ADAMTS12: variants seen among roughly 807,000 people sequenced by gnomAD.
ADAMTS12 encodes the protein ADAM metallopeptidase with thrombospondin type 1 motif 12.
Under a neutral mutation model 167.8 loss-of-function variants are expected in ADAMTS12, and 118 were observed. The ratio of observed to expected loss-of-function variants is 0.70; its 90% CI spans 0.61 to 0.82. ADAMTS12 has a LOEUF of 0.82. Ranked by LOEUF, ADAMTS12 falls within the 40% of genes least tolerant of loss-of-function variation. ADAMTS12 has a pLI of 0.00. For missense variants in ADAMTS12, 1,916 were observed against 1,998.8 expected (o/e 0.96, Z 0.79); for synonymous variants, 704 against 716.9 (o/e 0.98, Z 0.29).
chr5:33,561,259 A>G lies in ADAMTS12; in HGVS notation c.3973-80T>C, dbSNP rs116614333. The stretch of plus-strand genomic sequence containing the variant: ...GCCCCATCACTGGGATCCTGGAGTC[A>G]GTTCTCAGTCCCGTTTGCTAACATT... On this transcript the variant is annotated intron_variant, in intron 19 of 23. Transcript: ENST00000504830. 97 of 1,543,820 alleles carry G rather than the reference A, an allele frequency of 6.3e-5. No homozygotes were observed. In the African/African-American group the frequency reaches 1.2e-3, roughly 19 times the overall value.
chr5:33,742,855 A>G (rs578065507), intron 3 of ADAMTS12, among the ~76,000 whole-genome samples: 2 of 152,336 alleles, frequency 1.3e-5, no homozygotes, highest in South Asian at 4.1e-4. Context: ...GCGAGAAAGT[A>G]TTTGCCTGGA....
At chr5:33,537,486 G>A (rs1213661037) in intron 22 of ADAMTS12, among the ~76,000 whole-genome samples, 1 of 152,210 alleles carries the variant, frequency 6.6e-6, no homozygotes, top group East Asian at 1.9e-4. Context: ...CTGAGGCTGA[G>A]GCTTGTGTCA....
chr5:33,755,212 C>G (rs1185966457), intron 2 of ADAMTS12, among the ~76,000 whole-genome samples: 2 of 152,134 alleles, frequency 1.3e-5, no homozygotes, highest in African/African-American at 4.8e-5. Flanking sequence ...TAGTTCATTT[C>G]AAGAGTTAGG....
intron 16 of ADAMTS12, among the ~76,000 whole-genome samples, chr5:33,610,873 C>A (rs1415008873): frequency 1.3e-5 from 2 of 152,032 alleles, no homozygotes; most frequent in East Asian, 3.9e-4. Context: ...TTGAGACCAG[C>A]CTGGCCAACA....
At chr5:33,773,946 G>A (rs927649635) in intron 2 of ADAMTS12, among the ~76,000 whole-genome samples, 4 of 152,142 alleles carry the variant, frequency 2.6e-5, no homozygotes, top group Non-Finnish European at 4.4e-5. Context: ...GCAAAAGTAC[G>A]TACACACACT....
chr5:33,749,888 GGT>G (rs1441134864), intron 3 of ADAMTS12, among the ~76,000 whole-genome samples: 2 of 152,170 alleles, frequency 1.3e-5, no homozygotes, highest in African/African-American at 4.8e-5. Flanking sequence ...AGGTGTTCAA[GGT>G]GGGTAGATAA....
intron 23 of ADAMTS12, among the ~76,000 whole-genome samples, chr5:33,532,162 C>T (rs889171054): frequency 2.0e-5 from 3 of 152,118 alleles, no homozygotes; most frequent in Non-Finnish European, 2.9e-5. Context: ...AGTTATATGC[C>T]TGTATCTTTG....
chr5:33,686,984 T>A lies in ADAMTS12; in HGVS notation c.635-2929A>T, dbSNP rs568442302. 4.6e-5 allele frequency among the ~76,000 whole-genome samples: 7 copies of A among 151,164 alleles called. No individual in the cohort carries two copies. In the South Asian group the frequency reaches 1.3e-3, roughly 27 times the overall value. On this transcript the variant is annotated intron_variant, in intron 3 of 23. Transcript: ENST00000504830. Reference sequence around the variant, plus strand: ...AGAGAGAGAGAGATCTTGGACTTGATCTTGGACTTCAAGTCTCTAGAATTG... The same window carrying A: ...AGAGAGAGAGAGATCTTGGACTTGAACTTGGACTTCAAGTCTCTAGAATTG...
At chr5:33,700,127 TAACA>T (rs1484235117) in intron 3 of ADAMTS12, among the ~76,000 whole-genome samples, 14 of 152,208 alleles carry the variant, frequency 9.2e-5, no homozygotes, top group Non-Finnish European at 1.9e-4. Flanking sequence ...CACTCTGTTT[TAACA>T]AACAGTTTGG....
intron 2 of ADAMTS12, among the ~76,000 whole-genome samples, chr5:33,840,527 G>A (rs1450268078): frequency 2.0e-5 from 3 of 152,168 alleles, no homozygotes; most frequent in Admixed American, 1.3e-4. Flanking sequence ...CTCAACTGTG[G>A]AGATGATAAT....
chr5:33,758,541 T>C (rs1745242748), intron 2 of ADAMTS12, among the ~76,000 whole-genome samples: 1 of 152,212 alleles, frequency 6.6e-6, no homozygotes, highest in African/African-American at 2.4e-5. Context: ...AGAGAGGATG[T>C]GGATTCGCGC....
chr5:33,636,230 C>G (rs1740186727), intron 12 of ADAMTS12, among the ~76,000 whole-genome samples: 1 of 152,162 alleles, frequency 6.6e-6, no homozygotes, highest in Admixed American at 6.6e-5. Flanking sequence ...ATCACTGGAG[C>G]AGCTATGCTA....
chr5:33,815,363 T>C (rs2197516), intron 2 of ADAMTS12, among the ~76,000 whole-genome samples: 67,740 of 151,650 alleles, frequency 0.45, 15,455 homozygotes, highest in African/African-American at 0.47. Flanking sequence ...AGTAGAACCC[T>C]TATGCTGAAT....
At position 33,576,671 on chromosome 5, in the gene ADAMTS12, G is replaced by T. The variant is rs139710230; in HGVS notation, c.3355C>A (p.Leu1119Ile). 3 of 1,614,214 alleles carry T rather than the reference G, an allele frequency of 1.9e-6. No homozygotes were observed. The Admixed American group carries it at 5.0e-5, about 27-fold the overall frequency. The change falls in exon 19 of 24, where the codon CTT becomes ATT. Residue 1119 changes from leucine (L) to isoleucine (I), a missense_variant. By Grantham distance (5) the Leu-to-Ile change is conservative. Transcript: ENST00000504830. ...GAACCACTTGTTGTTGTAGCTACAA[G>T]GCCTCCCTCCGAGGTAGGACCAGTA... ...SDTGPTSEGG[L>I]VATTTSGSGL... is the part of the protein sequence containing the mutation.
intron 23 of ADAMTS12, among the ~76,000 whole-genome samples, chr5:33,529,838 T>C (rs569874848): frequency 2.4e-4 from 36 of 152,322 alleles, no homozygotes; most frequent in Non-Finnish European, 4.0e-4. Flanking sequence ...TTCAGGCCTC[T>C]TCTTTAAGCC....
chr5:33,761,525 AGAG>A (rs1579913936), intron 2 of ADAMTS12, among the ~76,000 whole-genome samples: 1 of 152,222 alleles, frequency 6.6e-6, no homozygotes, highest in African/African-American at 2.4e-5. Context: ...AACAAAATGA[AGAG>A]GAGGTCGAGT....
Position 33,614,392 on chromosome 5 carries a change from G to A in ADAMTS12, c.2389-16C>T. ...GGAATAGAAGCTAAAAGGCAAGAGA[G>A]GGGTCATGTCAAACTGTCATGACTT... On this transcript the variant is annotated splice_polypyrimidine_tract_variant and intron_variant, in intron 15 of 23. Transcript: ENST00000504830. The A allele has an allele frequency of 1.9e-6, 3 of 1,613,428 alleles. No homozygotes were observed. Among genetic ancestry groups the A allele is most frequent in the South Asian group, 1.1e-5 (1 of 91,052 alleles).
chr5:33,788,317 G>C (rs1465438), intron 2 of ADAMTS12, among the ~76,000 whole-genome samples: 7,548 of 151,786 alleles, frequency 0.05, 673 homozygotes, highest in African/African-American at 0.17. Context: ...TAAATACGCA[G>C]AAGTTCAAGG....
At position 33,662,536 on chromosome 5, in the gene ADAMTS12, AAGGAC is replaced by A. The variant is rs148485378; in HGVS notation, c.916-501_916-497del. 4.7e-3 allele frequency among the ~76,000 whole-genome samples: 716 copies of A among 152,138 alleles called. 12 individuals are homozygous for A. Among genetic ancestry groups the A allele is most frequent in the African/African-American group, 0.016 (681 of 41,390 alleles). On this transcript the variant is annotated intron_variant, in intron 5 of 23. Coordinates refer to ENST00000504830, the MANE Select transcript of ADAMTS12 (RefSeq NM_030955.4). ...TATTTTGGTTTGACACCCATGGGTG[AAGGAC>A]AGTGGATGACATAATCTCTCCAGGC...
Sources: gnomAD v4.1 joint callset for allele counts (sites outside exome capture counted in the v4.1 genomes callset) on GRCh38, gnomAD v4.1.1 for gene constraint, MANE v1.5 for transcripts, NCBI Gene and HGNC (gene_info 2026-07-23, HGNC 2026-07-21) for gene names.